TRIM37: variants seen among roughly 807,000 people sequenced by gnomAD.
TRIM37 encodes the protein tripartite motif containing 37.
In TRIM37, 80 loss-of-function variants were observed where a neutral mutation model predicts 129.8. The observed-to-expected ratio is 0.62, with a 90% CI of 0.51 to 0.74. The LOEUF is 0.74. Ranked by LOEUF, TRIM37 falls within the 30% of genes least tolerant of loss-of-function variation. The pLI, the probability that TRIM37 is intolerant of heterozygous loss-of-function variation, is 0.00. For synonymous variants in TRIM37, 389 were observed against 387.1 expected (o/e 1.00, Z -0.06); for missense variants, 1,054 against 1,176.5 (o/e 0.90, Z 1.52).
At chr17:59,091,076 C>T (rs753625326) in intron 3 of TRIM37, among the ~76,000 whole-genome samples, 2 of 151,990 alleles carry the variant, frequency 1.3e-5, no homozygotes, top group Non-Finnish European at 2.9e-5. Context: ...AGAAGTTATA[C>T]AATGATTTTC....
intron 24 of TRIM37, chr17:58,983,272 T>C (rs138387343): frequency 2.2e-4 from 43 of 192,504 alleles, no homozygotes; most frequent in African/African-American, 1.0e-3. Flanking sequence ...TTGTGAAAAA[T>C]AGCAACTATT....
chr17:59,049,037 T>C (rs1403382519), intron 15 of TRIM37, 141 bp downstream of exon 15: 4 of 709,582 alleles, frequency 5.6e-6, no homozygotes, highest in Admixed American at 2.2e-5. Context: ...AACATTTACA[T>C]AAGGGCATAC....
downstream of TRIM37, chr17:58,981,169 C>G (rs1730159678): frequency 3.1e-6 from 2 of 645,350 alleles, no homozygotes; most frequent in African/African-American, 1.8e-5. Context: ...GTAAATAGAT[C>G]TCTAGGAAAC....
At chr17:59,072,733 G>A (rs1409902850) in intron 8 of TRIM37, among the ~76,000 whole-genome samples, 2 of 145,976 alleles carry the variant, frequency 1.4e-5, no homozygotes, top group Admixed American at 6.9e-5. Flanking sequence ...GGGCGACAAG[G>A]CAAGACTCTG....
Position 59,015,695 on chromosome 17 carries a change from T to C in TRIM37, c.2491A>G (p.Lys831Glu). The change falls in exon 21 of 24, where the codon AAA (lysine) becomes GAA (glutamate). Residue 831 changes from lysine to glutamate, a missense_variant. Lys to Glu is a moderately conservative substitution (Grantham distance 56). Coordinates refer to ENST00000262294, the MANE Select transcript of TRIM37 (RefSeq NM_015294.6). ...ACAACAGCATCTGAATCCAAAGCTT[T>C]ACACTGCCGGTCTTCAGTTTTTGGC... is the stretch of plus-strand genomic sequence containing the variant. Reference protein sequence around the residue: ...ILPKTEDRQCKALDSDAVVVA... With the variant: ...ILPKTEDRQCEALDSDAVVVA... The C allele has an allele frequency of 2.5e-6, 4 of 1,614,192 alleles. No homozygotes were observed. Among genetic ancestry groups the C allele is most frequent in the Non-Finnish European group, 2.5e-6 (3 of 1,180,040 alleles).
At chr17:59,093,479 T>C (rs2044578779) in intron 2 of TRIM37, among the ~76,000 whole-genome samples, 1 of 152,204 alleles carries the variant, frequency 6.6e-6, no homozygotes, top group African/African-American at 2.4e-5. Context: ...AGTTCATAAG[T>C]TGCTTTCTCC....
At chr17:59,080,324 A>G (rs1198748245) in intron 6 of TRIM37, among the ~76,000 whole-genome samples, 2 of 152,240 alleles carry the variant, frequency 1.3e-5, no homozygotes, top group African/African-American at 2.4e-5. Flanking sequence ...TGTTTGACCT[A>G]AACAATATCT....
At chr17:58,997,036 G>A (rs1204111123), downstream of TRIM37, among the ~76,000 whole-genome samples, 2 of 152,114 alleles carry the variant, frequency 1.3e-5, no homozygotes, top group Admixed American at 1.3e-4. Context: ...ATATACTGAA[G>A]GATCCTGAGG....
chr17:59,016,464 C>T (rs8080071), intron 20 of TRIM37, among the ~76,000 whole-genome samples: 101,058 of 150,126 alleles, frequency 0.67, 34,592 homozygotes, highest in African/African-American at 0.79. Context: ...TGCCAAGCAT[C>T]TAAAATTAAG....
intron 2 of TRIM37, 22 bp from the exon 3 acceptor site, chr17:59,091,362 T>C: frequency 6.7e-7 from 1 of 1,491,986 alleles, no homozygotes; most frequent in Non-Finnish European, 9.0e-7. Flanking sequence ...AAAGATTAGA[T>C]ATCGATTAGA....
intron 19 of TRIM37, among the ~76,000 whole-genome samples, chr17:59,021,265 C>T (rs1435690368): frequency 6.6e-6 from 1 of 152,236 alleles, no homozygotes; most frequent in Admixed American, 6.5e-5. Flanking sequence ...CGTGGTGGCG[C>T]ATGCCTGTAG....
intron 11 of TRIM37, 97 bp downstream of exon 11, chr17:59,062,467 AAAG>A: frequency 5.2e-6 from 5 of 964,032 alleles, no homozygotes; most frequent in Non-Finnish European, 8.1e-6. Context: ...GTAACAAAAA[AAAG>A]AAGAGTTAAC....
At chr17:59,021,497 G>A (rs1310326399) in intron 19 of TRIM37, among the ~76,000 whole-genome samples, 1 of 152,130 alleles carries the variant, frequency 6.6e-6, no homozygotes, top group Non-Finnish European at 1.5e-5. Context: ...TGGAACTGGA[G>A]ATCGTTATGT....
At position 59,039,806 on chromosome 17, in the gene TRIM37, T is replaced by A. The variant is rs759898364; in HGVS notation, c.1753+2007A>T. Among the ~76,000 whole-genome samples, 3 of 152,334 alleles carry A rather than the reference T, an allele frequency of 2.0e-5. No individual in the cohort carries two copies. In the South Asian group the frequency reaches 6.2e-4, roughly 32 times the overall value. On this transcript the variant is annotated intron_variant, in intron 17 of 23. Transcript: ENST00000262294. ...CAGACACAAAGGAATTTATGTGCCA[T>A]GTTAACAAGTTTGGACTTTATCCTA... is the stretch of plus-strand genomic sequence containing the variant.
In TRIM37 at chr17:59,079,942, A is replaced by G. The variant is rs2043126123; in HGVS notation, c.493-65T>C. The G allele has an allele frequency of 3.2e-6, 5 of 1,542,166 alleles. No homozygotes were observed. The East Asian group carries it at 1.1e-4, about 35-fold the overall frequency. ...ATTTTAAAAACAGAAGCACCACATTATAATATTGCCAAGAATAGATAATAT... is the reference window on the plus strand; with the variant it reads ...ATTTTAAAAACAGAAGCACCACATTGTAATATTGCCAAGAATAGATAATAT... On this transcript the variant is annotated intron_variant, in intron 6 of 23. Coordinates refer to ENST00000262294, the MANE Select transcript of TRIM37 (RefSeq NM_015294.6).
At chr17:59,001,878 A>C in intron 22 of TRIM37, 164 bp from the exon 23 acceptor site, 1 of 997,994 alleles carries the variant, frequency 1.0e-6, no homozygotes, top group South Asian at 1.5e-5. Flanking sequence ...AAGTAACCGC[A>C]CAAACCTCGA....
intron 16 of TRIM37, among the ~76,000 whole-genome samples, chr17:59,042,389 A>AC (rs1405683170): frequency 6.9e-6 from 1 of 145,216 alleles, no homozygotes; most frequent in Non-Finnish European, 1.5e-5. Flanking sequence ...AAAAAAAAAA[A>AC]ATCAGCCAGT....
chr17:59,104,176 A>T, intron 2 of TRIM37, 117 bp downstream of exon 2: 1 of 874,300 alleles, frequency 1.1e-6, no homozygotes, highest in Non-Finnish European at 1.9e-6. Context: ...AACCCCAAGC[A>T]CAGTGCAAGC....
At chr17:59,026,844 C>G (rs182085685) in intron 19 of TRIM37, among the ~76,000 whole-genome samples, 1 of 152,228 alleles carries the variant, frequency 6.6e-6, no homozygotes, top group Non-Finnish European at 1.5e-5. Flanking sequence ...ACTTAACACA[C>G]TTAACACAGG....
Sources: allele counts gnomAD v4.1 joint callset (sites outside exome capture counted in the v4.1 genomes callset), GRCh38; gene constraint gnomAD v4.1.1; transcripts MANE v1.5; gene names NCBI Gene and HGNC (gene_info 2026-07-23, HGNC 2026-07-21).